Variants in LAMA2 observed in about 807,000 individuals in gnomAD.
LAMA2 encodes the protein laminin subunit alpha 2.
A neutral mutation model predicts 364.8 loss-of-function variants in LAMA2; 269 were observed. The ratio of observed to expected loss-of-function variants is 0.74; its 90% CI spans 0.67 to 0.82. The LOEUF (loss-of-function observed/expected upper bound fraction) is 0.82, where lower values mean the gene tolerates loss of function less well. Among genes scored for constraint, LAMA2 ranks in the 40% least tolerant of loss-of-function variants. The pLI is 0.00. For synonymous variants in LAMA2, 1,379 were observed against 1,370.6 expected, an observed-to-expected ratio of 1.01 and a Z score of -0.14; for missense variants, 3,807 against 3,873.2, an observed-to-expected ratio of 0.98 and a Z score of 0.45.
At chr6:129,379,912 A>G (rs2114647477) in intron 34 of LAMA2, among the ~76,000 whole-genome samples, 1 of 152,302 alleles carries the variant, frequency 6.6e-6, no homozygotes, top group East Asian at 1.9e-4. Context: ...CCAAGGGATC[A>G]TTGGTTTGAT....
At chr6:129,223,297 G>T (rs1317166248) in intron 12 of LAMA2, among the ~76,000 whole-genome samples, 1 of 152,054 alleles carries the variant, frequency 6.6e-6, no homozygotes, top group African/African-American at 2.4e-5. Flanking sequence ...TAGGTTGCCT[G>T]TTCACTCTGA....
intron 51 of LAMA2, among the ~76,000 whole-genome samples, chr6:129,466,538 T>G (rs746261867): frequency 6.6e-6 from 1 of 151,946 alleles, no homozygotes; most frequent in Non-Finnish European, 1.5e-5. Context: ...TATTTTGGAG[T>G]GCTGCTGCAT....
At chr6:129,022,659 T>C (rs1281702550) in intron 1 of LAMA2, among the ~76,000 whole-genome samples, 1 of 152,148 alleles carries the variant, frequency 6.6e-6, no homozygotes, top group Non-Finnish European at 1.5e-5. Flanking sequence ...ATCATCATAC[T>C]TCAAAAGCTT....
chr6:129,151,232 T>A (rs1778774491), intron 7 of LAMA2, among the ~76,000 whole-genome samples: 1 of 152,176 alleles, frequency 6.6e-6, no homozygotes, highest in Admixed American at 6.5e-5. Flanking sequence ...TTATTTGGCA[T>A]CAGGGTTTTA....
chr6:129,173,886 A>G (rs1017854531), intron 9 of LAMA2, among the ~76,000 whole-genome samples: 1 of 151,946 alleles, frequency 6.6e-6, no homozygotes, highest in Non-Finnish European at 1.5e-5. Flanking sequence ...AGTTTTCTTC[A>G]TTTTCTTTTA....
At position 129,250,123 on chromosome 6, in the gene LAMA2, A is replaced by G; in HGVS notation, c.1794A>G (p.Val598=). 1 of 1,598,332 alleles carries G rather than the reference A, an allele frequency of 6.3e-7. No homozygotes were observed. Among genetic ancestry groups the G allele is most frequent in the Non-Finnish European group, 8.6e-7 (1 of 1,165,954 alleles). The change falls in exon 13 of 65, where the codon GTA becomes GTG. Residue 598 remains valine (V), a synonymous_variant. Coordinates refer to ENST00000421865, the MANE Select transcript of LAMA2 (RefSeq NM_000426.4). ...CTTCTGTCTTGTAGCTCCCAGCAGTAGGAGGACAGTTGACATTTACCATAT... is the reference window on the plus strand; with the variant it reads ...CTTCTGTCTTGTAGCTCCCAGCAGTGGGAGGACAGTTGACATTTACCATAT... ...APYLGNKLPA[V]GGQLTFTISY...
intron 29 of LAMA2, among the ~76,000 whole-genome samples, chr6:129,341,499 T>C (rs532183904): frequency 6.6e-6 from 1 of 152,236 alleles, no homozygotes; most frequent in Non-Finnish European, 1.5e-5. Context: ...CAAGATAACA[T>C]TCAATGTTGC....
chr6:129,222,742 T>C (rs946296931), intron 12 of LAMA2, among the ~76,000 whole-genome samples: 34 of 152,128 alleles, frequency 2.2e-4, no homozygotes, highest in Non-Finnish European at 1.2e-4. Flanking sequence ...CAGTCTATCA[T>C]TGATGGACAT....
At chr6:129,291,863 G>A (rs1190517202) in intron 20 of LAMA2, 143 bp downstream of exon 20, 9 of 688,104 alleles carry the variant, frequency 1.3e-5, no homozygotes, top group Non-Finnish European at 2.3e-5. Context: ...TGTGATCAGT[G>A]AAAAGTTTTT....
intron 9 of LAMA2, among the ~76,000 whole-genome samples, chr6:129,171,962 C>T (rs9492257): frequency 0.014 from 1,668 of 122,248 alleles, 47 homozygotes; most frequent in African/African-American, 0.049. Context: ...TCCAGTTGAT[C>T]GCATCGGCTC....
At chr6:128,905,978 G>A (rs1200790001) in intron 1 of LAMA2, among the ~76,000 whole-genome samples, 1 of 150,476 alleles carries the variant, frequency 6.6e-6, no homozygotes, top group Non-Finnish European at 1.5e-5. Context: ...CATTTTTTAT[G>A]GCTGCATAGT....
intron 9 of LAMA2, among the ~76,000 whole-genome samples, chr6:129,173,837 G>A (rs529223620): frequency 5.9e-5 from 9 of 152,182 alleles, no homozygotes; most frequent in Admixed American, 1.3e-4. Context: ...ATTTGATTAC[G>A]AGGGAAATAC....
intron 17 of LAMA2, among the ~76,000 whole-genome samples, chr6:129,279,680 C>T (rs922624328): frequency 6.6e-6 from 1 of 152,140 alleles, no homozygotes; most frequent in Non-Finnish European, 1.5e-5. Flanking sequence ...ACAAATTTCT[C>T]CAGGCTGCTT....
intron 29 of LAMA2, among the ~76,000 whole-genome samples, chr6:129,333,775 T>G (rs377735800): frequency 6.6e-6 from 1 of 152,332 alleles, no homozygotes; most frequent in South Asian, 2.1e-4. Flanking sequence ...TTAGCACAGT[T>G]ATATTTGCTT....
chr6:129,203,305 A>G (rs114613597), intron 12 of LAMA2, among the ~76,000 whole-genome samples: 215 of 152,310 alleles, frequency 1.4e-3, no homozygotes, highest in African/African-American at 5.0e-3. Flanking sequence ...GTGGGGAACT[A>G]TCTGTATCCA....
chr6:129,104,571 A>C (rs2114886165), intron 4 of LAMA2, among the ~76,000 whole-genome samples: 1 of 152,304 alleles, frequency 6.6e-6, no homozygotes, highest in Non-Finnish European at 1.5e-5. Context: ...CAATCTATTA[A>C]AGGATATTCA....
chr6:129,120,118 C>G (rs1238681530), intron 4 of LAMA2, among the ~76,000 whole-genome samples: 1 of 152,032 alleles, frequency 6.6e-6, no homozygotes, highest in Non-Finnish European at 1.5e-5. Context: ...TTTAAAGTTG[C>G]CAGAGCAGAT....
intron 40 of LAMA2, among the ~76,000 whole-genome samples, chr6:129,420,226 T>C (rs1781010186): frequency 6.6e-6 from 1 of 152,092 alleles, no homozygotes; most frequent in South Asian, 2.1e-4. Context: ...AAAAATATTC[T>C]CAAAAATATA....
At chr6:129,331,889 T>C (rs1242042159) in intron 29 of LAMA2, among the ~76,000 whole-genome samples, 1 of 152,188 alleles carries the variant, frequency 6.6e-6, no homozygotes, top group African/African-American at 2.4e-5. Context: ...ACAGCCATGT[T>C]TGCCACTGTG....
Sources: gnomAD v4.1 joint callset for allele counts (sites outside exome capture counted in the v4.1 genomes callset) on GRCh38, gnomAD v4.1.1 for gene constraint, MANE v1.5 for transcripts, NCBI Gene and HGNC (gene_info 2026-07-23, HGNC 2026-07-21) for gene names.